CNTNAP2: variants seen among roughly 807,000 people sequenced by gnomAD.
The protein encoded by CNTNAP2 is contactin associated protein 2, also known as contactin-associated protein-like 2.
A neutral mutation model predicts 155.2 loss-of-function variants in CNTNAP2; 98 were observed. The ratio of observed to expected loss-of-function variants is 0.63; its 90% CI spans 0.54 to 0.75. The LOEUF is 0.75. CNTNAP2 is among the 30% of genes least tolerant of loss of function. The pLI, the probability that CNTNAP2 is intolerant of heterozygous loss-of-function variation, is 0.00. For synonymous variants in CNTNAP2, 651 were observed against 631.2 expected, an observed-to-expected ratio of 1.03 and a Z score of -0.47; for missense variants, 1,727 against 1,688.1, an observed-to-expected ratio of 1.02 and a Z score of -0.40.
intron 21 of CNTNAP2, among the ~76,000 whole-genome samples, chr7:148,336,091 G>A (rs924941293): frequency 6.6e-6 from 1 of 152,136 alleles, no homozygotes; most frequent in Non-Finnish European, 1.5e-5. Context: ...TACAGAACTA[G>A]ATTCATTTAT....
chr7:146,767,623 A>G (rs1298197709), intron 1 of CNTNAP2, among the ~76,000 whole-genome samples: 1 of 152,208 alleles, frequency 6.6e-6, no homozygotes, highest in African/African-American at 2.4e-5. Context: ...CAATGTATGA[A>G]CCATAAAAAT....
At chr7:147,634,869 C>T (rs934828715) in intron 12 of CNTNAP2, among the ~76,000 whole-genome samples, 1 of 152,132 alleles carries the variant, frequency 6.6e-6, no homozygotes, top group Non-Finnish European at 1.5e-5. Flanking sequence ...TGGTCATGCT[C>T]GTCCCATGCC....
intron 12 of CNTNAP2, among the ~76,000 whole-genome samples, chr7:147,563,733 C>A (rs1331575057): frequency 6.6e-6 from 1 of 152,112 alleles, no homozygotes; most frequent in South Asian, 2.1e-4. Flanking sequence ...AGTTCAGAAC[C>A]ACTTATAGAG....
In CNTNAP2 at chr7:146,216,247, T is replaced by C. The variant is rs117924827; in HGVS notation, c.97+99274T>C. ...CCAGGGGTTGGCTTTCTCTTGGAAG[T>C]TAGGCAGTGGTTGATGAGGTGATCA... is the stretch of plus-strand genomic sequence containing the variant. On this transcript the variant is annotated intron_variant, in intron 1 of 23. Coordinates refer to ENST00000361727, the MANE Select transcript of CNTNAP2 (RefSeq NM_014141.6). Among the ~76,000 whole-genome samples the C allele has an allele frequency of 1.5e-3, 232 of 152,284 alleles. 7 individuals are homozygous for C. The East Asian group carries it at 0.042, about 28-fold the overall frequency.
At chr7:147,588,856 C>G (rs1284239923) in intron 12 of CNTNAP2, among the ~76,000 whole-genome samples, 1 of 152,176 alleles carries the variant, frequency 6.6e-6, no homozygotes, top group Non-Finnish European at 1.5e-5. Context: ...GACATTTATA[C>G]TGGTTCATTG....
intron 1 of CNTNAP2, among the ~76,000 whole-genome samples, chr7:146,278,120 T>C (rs1045109127): frequency 2.6e-5 from 4 of 152,164 alleles, no homozygotes; most frequent in Non-Finnish European, 5.9e-5. Flanking sequence ...AAGCAACCTC[T>C]TGAGACAACT....
At chr7:147,066,011 T>TAAAAC (rs927570239) in intron 4 of CNTNAP2, among the ~76,000 whole-genome samples, 21 of 152,124 alleles carry the variant, frequency 1.4e-4, no homozygotes, top group East Asian at 1.2e-3. Context: ...GGTGGTTTTA[T>TAAAAC]AAAACAAAAC....
chr7:148,066,699 C>T (rs865831298), intron 15 of CNTNAP2, among the ~76,000 whole-genome samples: 32 of 152,078 alleles, frequency 2.1e-4, no homozygotes, highest in African/African-American at 7.2e-4. Flanking sequence ...GGGGTTTCAC[C>T]GTGTTAGCCA....
intron 2 of CNTNAP2, among the ~76,000 whole-genome samples, chr7:146,832,191 C>T (rs1803526212): frequency 1.3e-5 from 2 of 152,060 alleles, no homozygotes; most frequent in Non-Finnish European, 2.9e-5. Context: ...ATTAAGATGC[C>T]TGTTACTGTT....
At chr7:146,466,382 C>T (rs1375010318) in intron 1 of CNTNAP2, among the ~76,000 whole-genome samples, 1 of 152,152 alleles carries the variant, frequency 6.6e-6, no homozygotes, top group African/African-American at 2.4e-5. Flanking sequence ...CTTTCCTATA[C>T]ACAATTTCGT....
chr7:146,559,759 C>T (rs1798252585), intron 1 of CNTNAP2, among the ~76,000 whole-genome samples: 4 of 152,074 alleles, frequency 2.6e-5, no homozygotes, highest in Admixed American at 2.6e-4. Flanking sequence ...ATCATCCATT[C>T]TCCTTGTTTT....
intron 15 of CNTNAP2, among the ~76,000 whole-genome samples, chr7:148,106,493 G>GAGAGAGATATATATATATAT (rs1554472856): frequency 8.0e-6 from 1 of 124,926 alleles, no homozygotes; most frequent in African/African-American, 3.5e-5. Context: ...CACACTTTGA[G>GAGAGAGATATATATATATAT]ATATATATAT....
chr7:147,583,068 G>T (rs1800538818), intron 12 of CNTNAP2, among the ~76,000 whole-genome samples: 1 of 152,072 alleles, frequency 6.6e-6, no homozygotes, highest in Non-Finnish European at 1.5e-5. Flanking sequence ...ATTGTTCAGA[G>T]ACCTTGTTGA....
intron 1 of CNTNAP2, among the ~76,000 whole-genome samples, chr7:146,620,779 A>C (rs977542892): frequency 6.6e-6 from 1 of 152,152 alleles, no homozygotes; most frequent in Non-Finnish European, 1.5e-5. Flanking sequence ...CATTATTATT[A>C]ATGTTGTTGC....
chr7:147,216,241 C>A (rs1441564380), intron 8 of CNTNAP2, among the ~76,000 whole-genome samples: 1 of 151,834 alleles, frequency 6.6e-6, no homozygotes, highest in Admixed American at 6.6e-5. Flanking sequence ...GGTGTCATAT[C>A]TAAAAATTAT....
intron 1 of CNTNAP2, among the ~76,000 whole-genome samples, chr7:146,358,183 C>T (rs533018276): frequency 4.0e-4 from 61 of 152,076 alleles, no homozygotes; most frequent in Non-Finnish European, 6.0e-4. Flanking sequence ...TACAGGTGCC[C>T]GCCACCATGC....
chr7:146,809,192 G>A (rs1363057452), intron 2 of CNTNAP2, among the ~76,000 whole-genome samples: 1 of 152,128 alleles, frequency 6.6e-6, no homozygotes, highest in Non-Finnish European at 1.5e-5. Context: ...CAACAGAGGA[G>A]TATAAGCATT....
At chr7:147,046,824 T>C (rs1410377646) in intron 4 of CNTNAP2, among the ~76,000 whole-genome samples, 1 of 151,902 alleles carries the variant, frequency 6.6e-6, no homozygotes, top group Non-Finnish European at 1.5e-5. Context: ...GGTCAGGAGA[T>C]CGAGACCATC....
At position 146,661,774 on chromosome 7, in the gene CNTNAP2, A is replaced by T. The variant is rs139835118; in HGVS notation, c.98-112497A>T. On this transcript the variant is annotated intron_variant, in intron 1 of 23. Transcript: ENST00000361727. Reference sequence around the variant, plus strand: ...AAAGCTGCAATAAGCTTCCATGTACAGATCATTGTGTAGGCACATGTATTC... The same window carrying T: ...AAAGCTGCAATAAGCTTCCATGTACTGATCATTGTGTAGGCACATGTATTC... Among the ~76,000 whole-genome samples, 71 of 150,350 alleles carry T rather than the reference A, an allele frequency of 4.7e-4. 1 individual carries two copies. Among genetic ancestry groups the T allele is most frequent in the African/African-American group, 1.7e-3 (69 of 40,696 alleles).
Sources: allele counts gnomAD v4.1 joint callset (sites outside exome capture counted in the v4.1 genomes callset), GRCh38; gene constraint gnomAD v4.1.1; transcripts MANE v1.5; gene names NCBI Gene and HGNC (gene_info 2026-07-23, HGNC 2026-07-21).